The following EPHA6 variants were observed in gnomAD, a reference collection of about 807,000 sequenced individuals.
EPHA6 encodes the protein EPH receptor A6.
A neutral mutation model predicts 112.0 loss-of-function variants in EPHA6; 50 were observed. That is an observed-to-expected ratio of 0.45 (90% CI 0.36 to 0.56). EPHA6 has a LOEUF of 0.56. EPHA6 is among the 20% of genes least tolerant of loss of function. The pLI is 0.00. For missense variants in EPHA6, 1,280 were observed against 1,417.4 expected, an observed-to-expected ratio of 0.90 and a Z score of 1.56; for synonymous variants, 529 against 490.7, an observed-to-expected ratio of 1.08 and a Z score of -1.03.
At chr3:97,125,425 T>C (rs748091868) in intron 3 of EPHA6, among the ~76,000 whole-genome samples, 1 of 152,202 alleles carries the variant, frequency 6.6e-6, no homozygotes, top group African/African-American at 2.4e-5. Flanking sequence ...TATGAATAGA[T>C]AGGAATATTT....
At chr3:97,538,811 G>T (rs1345584872) in intron 11 of EPHA6, among the ~76,000 whole-genome samples, 1 of 152,158 alleles carries the variant, frequency 6.6e-6, no homozygotes, top group Admixed American at 6.5e-5. Context: ...GATGGCAATG[G>T]ATTTAGAGTG....
At chr3:97,153,047 A>G (rs1307441853) in intron 3 of EPHA6, among the ~76,000 whole-genome samples, 2 of 152,126 alleles carry the variant, frequency 1.3e-5, no homozygotes, top group East Asian at 3.9e-4. Flanking sequence ...CACCTCTGTT[A>G]TACCTAGTAA....
chr3:97,151,014 T>G (rs1576578303), intron 3 of EPHA6, among the ~76,000 whole-genome samples: 1 of 152,168 alleles, frequency 6.6e-6, no homozygotes, highest in Admixed American at 6.6e-5. Flanking sequence ...AAGAAGTTAG[T>G]CATGGAATAC....
intron 14 of EPHA6, among the ~76,000 whole-genome samples, chr3:97,673,580 T>A (rs1416944817): frequency 1.3e-5 from 2 of 152,196 alleles, no homozygotes; most frequent in African/African-American, 2.4e-5. Flanking sequence ...TTAACTCTAC[T>A]CTGAGTCATA....
rs367655468 is a variant in EPHA6, at chr3:97,446,951, G to A, written c.1732-1617G>A. 1.4e-4 allele frequency among the ~76,000 whole-genome samples: 21 copies of A among 152,030 alleles called. No homozygotes were observed. The East Asian group carries it at 4.1e-3, about 29-fold the overall frequency. ...CTTTCTAATCTTAAAATCACCTAGA[G>A]ATAAATATAAGTTGCAGTTTTTTGG... On this transcript the variant is annotated intron_variant, in intron 6 of 17. Transcript: ENST00000389672.
chr3:97,090,970 A>C (rs2047047421), intron 3 of EPHA6, among the ~76,000 whole-genome samples: 1 of 152,160 alleles, frequency 6.6e-6, no homozygotes, highest in South Asian at 2.1e-4. Flanking sequence ...GTTTACACTA[A>C]TAATTACAGT....
intron 14 of EPHA6, among the ~76,000 whole-genome samples, chr3:97,654,214 A>G (rs2094124038): frequency 6.6e-6 from 1 of 152,022 alleles, no homozygotes; most frequent in Non-Finnish European, 1.5e-5. Context: ...TTCACAATGT[A>G]TATTAAAAAC....
intron 3 of EPHA6, among the ~76,000 whole-genome samples, chr3:97,020,921 T>A (rs2253716): frequency 0.12 from 17,939 of 151,884 alleles, 1,632 homozygotes; most frequent in African/African-American, 0.25. Flanking sequence ...ATTTTTTTTT[T>A]AAAAAGTCAA....
intron 3 of EPHA6, among the ~76,000 whole-genome samples, chr3:97,188,704 A>G (rs1341947549): frequency 6.6e-6 from 1 of 152,006 alleles, no homozygotes; most frequent in East Asian, 1.9e-4. Flanking sequence ...AATTTAATCT[A>G]CATTATGCAA....
intron 3 of EPHA6, among the ~76,000 whole-genome samples, chr3:97,196,302 C>A (rs1012998112): frequency 6.6e-6 from 1 of 151,760 alleles, no homozygotes; most frequent in African/African-American, 2.4e-5. Context: ...CTGAATCTTT[C>A]ACCTCAAGAA....
chr3:96,880,114 TA>T (rs1423336698), intron 2 of EPHA6, among the ~76,000 whole-genome samples: 1 of 151,872 alleles, frequency 6.6e-6, no homozygotes, highest in Admixed American at 6.6e-5. Flanking sequence ...ATAAAAAATT[TA>T]AAAAAATAAC....
chr3:97,118,255 G>A (rs2047949161), intron 3 of EPHA6, among the ~76,000 whole-genome samples: 1 of 151,408 alleles, frequency 6.6e-6, no homozygotes, highest in Non-Finnish European at 1.5e-5. Flanking sequence ...CTGTGTGCAT[G>A]TTACCAGGAC....
intron 5 of EPHA6, among the ~76,000 whole-genome samples, chr3:97,257,481 A>G (rs961959201): frequency 2.6e-5 from 4 of 152,014 alleles, no homozygotes; most frequent in Non-Finnish European, 4.4e-5. Context: ...TTAAAACAGT[A>G]ATGGTAGGCA....
chr3:97,241,807 T>C (rs2108577163), intron 4 of EPHA6, among the ~76,000 whole-genome samples: 1 of 149,158 alleles, frequency 6.7e-6, no homozygotes, highest in Non-Finnish European at 1.5e-5. Context: ...GACAGTTATA[T>C]ACTTATAGAC....
intron 1 of EPHA6, among the ~76,000 whole-genome samples, chr3:96,820,200 G>A (rs538344478): frequency 1.3e-4 from 20 of 152,042 alleles, no homozygotes; most frequent in Non-Finnish European, 2.1e-4. Context: ...AAAGATAGTC[G>A]GGAACCAGAG....
At chr3:97,226,549 A>AAT in intron 4 of EPHA6, 130 bp downstream of exon 4, 1 of 835,424 alleles carries the variant, frequency 1.2e-6, no homozygotes, top group Non-Finnish European at 1.8e-6. Flanking sequence ...ATAACAGTCA[A>AAT]GGAAAAAGCT....
intron 1 of EPHA6, among the ~76,000 whole-genome samples, chr3:96,844,547 T>A (rs2034955827): frequency 6.6e-6 from 1 of 151,996 alleles, no homozygotes; most frequent in East Asian, 1.9e-4. Context: ...TTAAATATGA[T>A]AAGAGGGTTA....
At chr3:96,952,686 A>G (rs1283226162) in intron 2 of EPHA6, among the ~76,000 whole-genome samples, 2 of 152,196 alleles carry the variant, frequency 1.3e-5, no homozygotes, top group South Asian at 2.1e-4. Context: ...GACCTTTGCC[A>G]GATGCATAGT....
At chr3:97,455,063 G>A (rs1312573078) in intron 7 of EPHA6, among the ~76,000 whole-genome samples, 1 of 151,996 alleles carries the variant, frequency 6.6e-6, no homozygotes, top group Non-Finnish European at 1.5e-5. Context: ...TTTTCTAGCA[G>A]TTAGGTTGTC....
Sources: allele counts gnomAD v4.1 joint callset (sites outside exome capture counted in the v4.1 genomes callset), GRCh38; gene constraint gnomAD v4.1.1; transcripts MANE v1.5; gene names NCBI Gene and HGNC (gene_info 2026-07-23, HGNC 2026-07-21).